Variants in ZNF383 observed in about 807,000 individuals in gnomAD.
The protein encoded by ZNF383 is zinc finger protein 383.
In ZNF383, 32 loss-of-function variants were observed where a neutral mutation model predicts 44.2. The observed-to-expected ratio is 0.72, with a 90% confidence interval of 0.55 to 0.97. ZNF383 has a LOEUF of 0.97. Among genes scored for constraint, ZNF383 ranks in the 50% least tolerant of loss-of-function variants. ZNF383 has a pLI of 0.00. For synonymous variants in ZNF383, 155 were observed against 186.2 expected (o/e 0.83, Z 1.36); for missense variants, 487 against 562.5 (o/e 0.87, Z 1.36).
chr19:37,234,125 A>G (rs1031385439), intron 3 of ZNF383, among the ~76,000 whole-genome samples: 6 of 152,164 alleles, frequency 3.9e-5, no homozygotes, highest in African/African-American at 1.2e-4. Context: ...CGGCCTCCCA[A>G]AGTGCTGGGA....
rs36041061 is a variant in ZNF383 at position 37,224,802 on chromosome 19, GT to G, written c.-167-3del. On this transcript the variant is annotated splice_polypyrimidine_tract_variant and intron_variant, in intron 1 of 5. Coordinates refer to ENST00000684119, the MANE Select transcript of ZNF383 (RefSeq NM_001387601.1). The stretch of plus-strand genomic sequence containing the variant: ...TGTAAAATTTACCATCTTAATCTTT[GT>G]TTTTTTTTTTTTAGACGGAGTCTCA... 244 of 127,758 alleles carry G rather than the reference GT, an allele frequency of 1.9e-3. No individual in the cohort carries two copies. Among genetic ancestry groups the G allele is most frequent in the African/African-American group, 5.0e-3 (178 of 35,256 alleles). The allele number at this position is 127,758 out of a possible 1,614,324, so 7.9% of individuals were successfully genotyped here.
intron 2 of ZNF383, among the ~76,000 whole-genome samples, chr19:37,229,559 A>G (rs1296943276): frequency 1.4e-5 from 2 of 147,624 alleles, no homozygotes; most frequent in African/African-American, 5.0e-5. Context: ...CCCAGGTTCA[A>G]GGGATTTTTG....
intron 3 of ZNF383, among the ~76,000 whole-genome samples, chr19:37,234,032 TTTTG>T (rs1466079579): frequency 5.9e-5 from 9 of 151,646 alleles, no homozygotes; most frequent in Admixed American, 2.0e-4. Flanking sequence ...GCCCAGCTAA[TTTTG>T]TATTTTTAGT....
At chr19:37,235,956 T>C in intron 4 of ZNF383, 23 bp from the exon 5 acceptor site, 1 of 1,597,320 alleles carries the variant, frequency 6.3e-7, no homozygotes. Context: ...ATAACCATGT[T>C]CCATATCTTT....
At chr19:37,234,442 G>A (rs957334937) in intron 3 of ZNF383, among the ~76,000 whole-genome samples, 2 of 152,090 alleles carry the variant, frequency 1.3e-5, no homozygotes, top group African/African-American at 4.8e-5. Flanking sequence ...AGGCTGGAGT[G>A]CAGTGGCGCG....
At chr19:37,218,498 A>G (rs1487442257) in intron 1 of ZNF383, among the ~76,000 whole-genome samples, 1 of 152,016 alleles carries the variant, frequency 6.6e-6, no homozygotes, top group Non-Finnish European at 1.5e-5. Flanking sequence ...AATTGTAACA[A>G]TGTAAGGCTG....
intron 5 of ZNF383, among the ~76,000 whole-genome samples, chr19:37,236,949 ATGTG>A (rs1973831182): frequency 7.0e-6 from 1 of 143,500 alleles, no homozygotes; most frequent in Admixed American, 7.2e-5. Flanking sequence ...GTATACACAC[ATGTG>A]AACACACACA....
intron 3 of ZNF383, 97 bp downstream of exon 3, chr19:37,230,559 CAG>C: frequency 7.4e-7 from 1 of 1,360,048 alleles, no homozygotes; most frequent in Non-Finnish European, 1.0e-6. Flanking sequence ...TTCTGGCTAA[CAG>C]AGTTCCCCTT....
rs1332799163 is a variant in ZNF383, at chr19:37,245,061, G to C, written c.*1397G>C. On this transcript the variant is annotated 3_prime_UTR_variant, in exon 6 of 6. Transcript: ENST00000684119. ...TAATCCCAGCACTTTGGGAGGCCGA[G>C]GTGGGCGGATCACAAGGTCTGAAGA... 6.6e-6 allele frequency: 1 copy of C among 152,184 alleles called. No homozygotes were observed. Among genetic ancestry groups the C allele is most frequent in the African/African-American group, 2.4e-5 (1 of 41,454 alleles). The allele number at this position is 152,184 out of a possible 1,614,324, so 9.4% of individuals were successfully genotyped here.
intron 1 of ZNF383, among the ~76,000 whole-genome samples, chr19:37,220,766 A>G (rs918028985): frequency 6.6e-6 from 1 of 152,022 alleles, no homozygotes; most frequent in African/African-American, 2.4e-5. Flanking sequence ...CCTGACTTTG[A>G]TAATCGTTAT....
At chr19:37,239,962 A>G (rs1974001079) in intron 5 of ZNF383, among the ~76,000 whole-genome samples, 2 of 152,100 alleles carry the variant, frequency 1.3e-5, no homozygotes, top group African/African-American at 4.8e-5. Context: ...GATTGAGACC[A>G]TCCTGGCCAA....
At chr19:37,230,612 A>G (rs1288043208) in intron 3 of ZNF383, 150 bp downstream of exon 3, 5 of 746,048 alleles carry the variant, frequency 6.7e-6, no homozygotes, top group Non-Finnish European at 6.7e-6. Flanking sequence ...AGATAATCCT[A>G]TACCATCTCT....
intron 3 of ZNF383, 68 bp from the exon 4 acceptor site, chr19:37,235,481 A>G (rs1973742175): frequency 1.3e-6 from 2 of 1,554,982 alleles, no homozygotes; most frequent in Non-Finnish European, 1.8e-6. Context: ...TTACCCCACA[A>G]TACAAGCATC....
Position 37,242,743 on chromosome 19 carries a change from C to T in ZNF383, c.507C>T (p.Pro169=), listed in dbSNP as rs146792538. The T allele has an allele frequency of 3.5e-5, 56 of 1,613,960 alleles. No individual in the cohort carries two copies. The African/African-American group carries it at 5.3e-4, about 15-fold the overall frequency. The change falls in exon 6 of 6, where the codon CCC becomes CCT. Residue 169 remains proline (P), a synonymous_variant. Coordinates refer to ENST00000684119, the MANE Select transcript of ZNF383 (RefSeq NM_001387601.1). ...LHQIINNEDR[P]YECKKCGKAF... ...AAATAATTAATAATGAAGACAGACCCTATGAATGTAAGAAATGTGGAAAGG... is the reference window on the plus strand; with the variant it reads ...AAATAATTAATAATGAAGACAGACCTTATGAATGTAAGAAATGTGGAAAGG...
chr19:37,239,008 C>T (rs1376195293), intron 5 of ZNF383, among the ~76,000 whole-genome samples: 4 of 152,136 alleles, frequency 2.6e-5, no homozygotes, highest in African/African-American at 9.7e-5. Flanking sequence ...TAGCCTCCAC[C>T]CCGCAGGTTC....
chr19:37,227,072 G>T (rs1473970622), intron 2 of ZNF383, among the ~76,000 whole-genome samples: 2 of 149,012 alleles, frequency 1.3e-5, no homozygotes, highest in Admixed American at 6.7e-5. Context: ...CTCCCAAAGT[G>T]CTGGGATTAC....
At chr19:37,223,886 G>C (rs1048281660) in intron 1 of ZNF383, among the ~76,000 whole-genome samples, 19 of 151,818 alleles carry the variant, frequency 1.3e-4, no homozygotes, top group African/African-American at 4.1e-4. Context: ...ACAAAAAAAA[G>C]TAGCCAGGTA....
chr19:37,228,683 G>A (rs1051157420), intron 2 of ZNF383, among the ~76,000 whole-genome samples: 6 of 152,026 alleles, frequency 3.9e-5, no homozygotes, highest in African/African-American at 1.4e-4. Context: ...CCACTGTTGT[G>A]ATGGGTCCTT....
At chr19:37,226,417 T>C (rs1973172553) in intron 2 of ZNF383, 1 of 152,200 alleles carries the variant, frequency 6.6e-6, no homozygotes, top group Non-Finnish European at 1.5e-5. Flanking sequence ...TTTGGACAAA[T>C]GTGTAATGAC....
Sources: allele counts gnomAD v4.1 joint callset (sites outside exome capture counted in the v4.1 genomes callset), GRCh38; gene constraint gnomAD v4.1.1; transcripts MANE v1.5; gene names NCBI Gene and HGNC (gene_info 2026-07-23, HGNC 2026-07-21).